SFMBT2: variants seen among roughly 807,000 people sequenced by gnomAD.
SFMBT2 encodes the protein scm-like with four MBT domains protein 2.
SFMBT2 carries 38 observed loss-of-function variants against 110.1 expected under a neutral mutation model. The observed-to-expected ratio is 0.35, with a 90% CI of 0.27 to 0.45. SFMBT2 has a LOEUF of 0.45. SFMBT2 is among the 20% of genes least tolerant of loss of function. The pLI is 1.00. For missense variants in SFMBT2, 1,011 were observed against 1,094.9 expected, an observed-to-expected ratio of 0.92 and a Z score of 1.08; for synonymous variants, 425 against 425.4, an observed-to-expected ratio of 1.00 and a Z score of 0.01.
intron 4 of SFMBT2, among the ~76,000 whole-genome samples, chr10:7,343,884 C>T (rs1455389746): frequency 6.6e-6 from 1 of 152,164 alleles, no homozygotes; most frequent in Non-Finnish European, 1.5e-5. Context: ...CTGTTCTGTT[C>T]CTCCAAGAAT....
At chr10:7,337,456 C>A (rs376924747) in intron 4 of SFMBT2, among the ~76,000 whole-genome samples, 3 of 152,172 alleles carry the variant, frequency 2.0e-5, no homozygotes, top group Non-Finnish European at 4.4e-5. Context: ...AATGGTTTAA[C>A]GCCATCCTCC....
intron 16 of SFMBT2, among the ~76,000 whole-genome samples, chr10:7,186,435 C>A (rs994902792): frequency 7.3e-6 from 1 of 137,412 alleles, no homozygotes; most frequent in East Asian, 1.9e-4. Flanking sequence ...TACACACACA[C>A]ACACACACAC....
At chr10:7,227,759 C>T in intron 10 of SFMBT2, 96 bp downstream of exon 10, 2 of 1,054,044 alleles carry the variant, frequency 1.9e-6, no homozygotes, top group Non-Finnish European at 1.4e-6. Context: ...CACTGTAATA[C>T]TCCAACCGTG....
rs751306823 is a variant in SFMBT2, at chr10:7,384,152, G to T, written c.-51-2203C>A. On this transcript the variant is annotated intron_variant, in intron 1 of 20. Transcript: ENST00000397167. ...CTTGAACCCGGGAGGCGGAGGTTGT[G>T]GTGAGCTGAGATCGCGCCATTGCTC... 2.1e-5 allele frequency among the ~76,000 whole-genome samples: 3 copies of T among 145,548 alleles called. 1 individual carries two copies. Among genetic ancestry groups the T allele is most frequent in the Non-Finnish European group, 4.5e-5 (3 of 66,898 alleles).
intron 9 of SFMBT2, among the ~76,000 whole-genome samples, chr10:7,234,191 G>A (rs990510052): frequency 1.1e-4 from 17 of 151,464 alleles, no homozygotes; most frequent in African/African-American, 3.6e-4. Flanking sequence ...GTGTTTTTAC[G>A]TTCATGGAAC....
rs1837477710 is a variant in SFMBT2, at chr10:7,158,802, G to A, written c.*4968C>T. The A allele has an allele frequency of 6.6e-6, 1 of 152,018 alleles. No individual in the cohort carries two copies. Among genetic ancestry groups the A allele is most frequent in the African/African-American group, 2.4e-5 (1 of 41,380 alleles). 9.4% of individuals were successfully genotyped at this position (152,018 alleles called of 1,614,324 possible). ...AAACCAAAAGCATGCCCTTCGTCCT[G>A]CAAATTTCAAAAGTAATGACACCAA... On this transcript the variant is annotated 3_prime_UTR_variant, in exon 21 of 21. Transcript: ENST00000397167.
At chr10:7,265,441 A>G (rs1234660059) in intron 7 of SFMBT2, among the ~76,000 whole-genome samples, 2 of 152,112 alleles carry the variant, frequency 1.3e-5, no homozygotes, top group African/African-American at 2.4e-5. Flanking sequence ...AGTTCATGCA[A>G]TCCTCCCGCC....
intron 7 of SFMBT2, among the ~76,000 whole-genome samples, chr10:7,271,291 C>CAAAAAAA (rs56364927): frequency 3.1e-5 from 3 of 97,530 alleles, no homozygotes; most frequent in Non-Finnish European, 5.9e-5. Flanking sequence ...AGATTGCCTC[C>CAAAAAAA]AAAAAAAAAA....
In SFMBT2 at chr10:7,163,789, T is replaced by C; in HGVS notation, c.2666A>G (p.Tyr889Cys). The change falls in exon 21 of 21, where the codon TAC becomes TGC. Residue 889 changes from tyrosine to cysteine, a missense_variant. Transcript: ENST00000397167. The surrounding 1 kb of genome is among the most constrained non-coding windows in gnomAD (Gnocchi z 4.8). ...HQIERVKVAF[Y>C]AQYAN ...GCAGACTCAGTTGGCGTACTGGGCGTAGAAAGCCACTTTGACTCTCTCGAT... is the reference window on the plus strand; with the variant it reads ...GCAGACTCAGTTGGCGTACTGGGCGCAGAAAGCCACTTTGACTCTCTCGAT... 3 of 1,614,114 alleles carry C rather than the reference T, an allele frequency of 1.9e-6. No individual in the cohort carries two copies. The highest frequency in any genetic ancestry group is 2.5e-6 in the Non-Finnish European group (3 of 1,180,012).
rs189860903 is a variant in SFMBT2 at position 7,197,091 on chromosome 10, T to C, written c.1698+457A>G. On this transcript the variant is annotated intron_variant, in intron 15 of 20. Coordinates refer to ENST00000397167, the MANE Select transcript of SFMBT2 (RefSeq NM_001387889.1). ...GCAGGTACCAGGTGCTCGGAAGAGA[T>C]GGATGAAACAAAAAGATGGCACAGC... is the stretch of plus-strand genomic sequence containing the variant. Among the ~76,000 whole-genome samples the C allele has an allele frequency of 9.8e-4, 148 of 151,776 alleles. 1 individual carries two copies. Among genetic ancestry groups the C allele is most frequent in the Non-Finnish European group, 2.1e-4 (14 of 67,932 alleles).
chr10:7,343,551 G>T (rs1843996942), intron 4 of SFMBT2, among the ~76,000 whole-genome samples: 1 of 151,982 alleles, frequency 6.6e-6, no homozygotes, highest in African/African-American at 2.4e-5. Context: ...GCCAGCATCT[G>T]TTATTTTGTG....
intron 20 of SFMBT2, among the ~76,000 whole-genome samples, chr10:7,164,552 A>G (rs1222138897): frequency 6.6e-6 from 1 of 151,920 alleles, no homozygotes; most frequent in Non-Finnish European, 1.5e-5. Context: ...AGGGCAAGTC[A>G]CTCTCCACCC....
In SFMBT2 at chr10:7,267,127, C is replaced by G. The variant is rs954647718; in HGVS notation, c.870+9765G>C. 2.6e-5 allele frequency among the ~76,000 whole-genome samples: 4 copies of G among 152,288 alleles called. No homozygotes were observed. The East Asian group carries it at 7.7e-4, about 29-fold the overall frequency. ...ATGTGACCAGTCCCCAGTAAAAACC[C>G]TGAGCACTGAGTGTCTAAGGAACTG... On this transcript the variant is annotated intron_variant, in intron 7 of 20. Transcript: ENST00000397167.
chr10:7,320,547 A>G, intron 4 of SFMBT2: 1 of 960,920 alleles, frequency 1.0e-6, no homozygotes, highest in Non-Finnish European at 1.2e-6. Flanking sequence ...ATTTCACTAT[A>G]GGAAGTAAGA....
intron 1 of SFMBT2, among the ~76,000 whole-genome samples, chr10:7,406,814 A>G (rs1846223653): frequency 6.6e-6 from 1 of 152,212 alleles, no homozygotes; most frequent in African/African-American, 2.4e-5. Flanking sequence ...TTCCCACCTC[A>G]GCAGGCCTCC....
intron 7 of SFMBT2, among the ~76,000 whole-genome samples, chr10:7,272,584 G>A (rs933924769): frequency 1.3e-5 from 2 of 152,110 alleles, no homozygotes; most frequent in African/African-American, 4.8e-5. Flanking sequence ...AACAGGCTGG[G>A]GCAGGAACCA....
chr10:7,410,667 C>A (rs1337546732), intron 1 of SFMBT2, among the ~76,000 whole-genome samples, 194 bp downstream of exon 1: 1 of 152,124 alleles, frequency 6.6e-6, no homozygotes, highest in Non-Finnish European at 1.5e-5. Flanking sequence ...TCTTTCGCTC[C>A]CCTGCACCCT....
At chr10:7,200,923 A>G in intron 13 of SFMBT2, 1 of 790,582 alleles carries the variant, frequency 1.3e-6, no homozygotes, top group Non-Finnish European at 1.5e-6. Context: ...GGCCCGCGGG[A>G]GTCATGGCCA....
chr10:7,401,666 T>C (rs1846086792), intron 1 of SFMBT2, among the ~76,000 whole-genome samples: 1 of 152,216 alleles, frequency 6.6e-6, no homozygotes, highest in African/African-American at 2.4e-5. Flanking sequence ...GGATCAACCC[T>C]GATCTTCCTC....
Sources: gnomAD v4.1 joint callset for allele counts (sites outside exome capture counted in the v4.1 genomes callset) on GRCh38, gnomAD v4.1.1 for gene constraint, Gnocchi (gnomAD v3.1) non-coding constraint, MANE v1.5 for transcripts, NCBI Gene and HGNC (gene_info 2026-07-23, HGNC 2026-07-21) for gene names.